ATP9A: variants seen among roughly 807,000 people sequenced by gnomAD.
ATP9A encodes the protein ATPase phospholipid transporting 9A.
ATP9A carries 52 observed loss-of-function variants against 144.1 expected under a neutral mutation model. The ratio of observed to expected loss-of-function variants is 0.36; its 90% CI spans 0.29 to 0.45. ATP9A has a LOEUF of 0.45. Ranked by LOEUF, ATP9A falls within the 20% of genes least tolerant of loss-of-function variation. The pLI, the probability that ATP9A is intolerant of heterozygous loss-of-function variation, is 1.00. For missense variants in ATP9A, 947 were observed against 1,392.7 expected (o/e 0.68, Z 5.09); for synonymous variants, 582 against 557.4 (o/e 1.04, Z -0.62).
intron 15 of ATP9A, among the ~76,000 whole-genome samples, chr20:51,631,529 C>T (rs777592542): frequency 1.3e-5 from 2 of 152,116 alleles, no homozygotes; most frequent in African/African-American, 2.4e-5. Context: ...ATATAAATAC[C>T]GCATCAACGA....
At chr20:51,690,101 G>C (rs2077540566) in intron 8 of ATP9A, among the ~76,000 whole-genome samples, 1 of 104,572 alleles carries the variant, frequency 9.6e-6, no homozygotes. Flanking sequence ...GACAGAAGGA[G>C]ACCGTCTCAA....
chr20:51,741,554 A>C (rs2077785404), intron 1 of ATP9A, among the ~76,000 whole-genome samples: 1 of 152,104 alleles, frequency 6.6e-6, no homozygotes, highest in Admixed American at 6.6e-5. Context: ...TCTAGCCTGG[A>C]CAATAAGAGC....
Position 51,642,726 on chromosome 20 carries a change from C to CAAAAAAAAAAAAAA in ATP9A, c.1507-3236_1507-3223dup, listed in dbSNP as rs778440862. Among the ~76,000 whole-genome samples, 137 of 31,124 alleles carry CAAAAAAAAAAAAAA rather than the reference C, an allele frequency of 4.4e-3. 5 individuals carry two copies. The highest frequency in any genetic ancestry group is 8.1e-3 in the Non-Finnish European group (109 of 13,448). 20.4% of individuals were successfully genotyped at this position (31,124 alleles called of 152,430 possible). Reference sequence around the variant, plus strand: ...GGGTGACTGAGTGAGACTCTGTCTCCAAAAAAAAAAAAAAAAAAAAAAAAA... The same window carrying CAAAAAAAAAAAAAA: ...GGGTGACTGAGTGAGACTCTGTCTCCAAAAAAAAAAAAAAAAAAAAAAAAAAAAAAAAAAAAAAA... On this transcript the variant is annotated intron_variant, in intron 14 of 27. Transcript: ENST00000338821.
intron 22 of ATP9A, 54 bp from the exon 23 acceptor site, chr20:51,613,886 A>C: frequency 6.6e-7 from 1 of 1,506,510 alleles, no homozygotes; most frequent in South Asian, 1.3e-5. Flanking sequence ...CAGGGCAAAC[A>C]CATTTTCTTT....
intron 1 of ATP9A, among the ~76,000 whole-genome samples, chr20:51,752,053 CAA>C (rs5841860): frequency 6.2e-5 from 9 of 144,022 alleles, no homozygotes; most frequent in East Asian, 4.0e-4. Context: ...GGAACAACAA[CAA>C]AAAAAAAAAA....
intron 9 of ATP9A, among the ~76,000 whole-genome samples, chr20:51,683,690 A>C (rs917535679): frequency 1.3e-5 from 2 of 152,136 alleles, no homozygotes; most frequent in Non-Finnish European, 2.9e-5. Context: ...TGCTAGGATT[A>C]CAGGTGTGAG....
intron 1 of ATP9A, chr20:51,734,861 C>T (rs536566235): frequency 2.3e-5 from 5 of 216,552 alleles, no homozygotes; most frequent in Admixed American, 4.1e-5. Context: ...AGCCCAAGAT[C>T]TCAAAGGGTG....
chr20:51,608,569 G>A lies in ATP9A; in HGVS notation c.2694C>T (p.Val898=). 2 of 1,613,864 alleles carry A rather than the reference G, an allele frequency of 1.2e-6. No homozygotes were observed. The highest frequency in any genetic ancestry group is 1.1e-5 in the South Asian group (1 of 91,074). ...GATACAGCATGGCAACTTCCGATTT[G>A]ACATCTTTGTCCAGGACCAGAGAAA... ...PVFSLVLDKD[V]KSEVAMLYPE... Residue 898 remains valine (V), a synonymous_variant, in exon 25 of 28, where the codon GTC becomes GTT. Transcript: ENST00000338821.
chr20:51,632,500 G>A (rs1184930840), intron 15 of ATP9A, among the ~76,000 whole-genome samples: 1 of 152,150 alleles, frequency 6.6e-6, no homozygotes, highest in Non-Finnish European at 1.5e-5. Flanking sequence ...CCTCAGGTGG[G>A]GGCTGTCCTG....
chr20:51,768,010 G>A (rs1319982602), intron 1 of ATP9A, among the ~76,000 whole-genome samples: 1 of 152,204 alleles, frequency 6.6e-6, no homozygotes, highest in Non-Finnish European at 1.5e-5. Context: ...AATTCCGCGA[G>A]TGTGTAAACA....
intron 8 of ATP9A, 117 bp downstream of exon 8, chr20:51,690,622 T>C: frequency 1.2e-6 from 1 of 844,496 alleles, no homozygotes; most frequent in Non-Finnish European, 2.0e-6. Context: ...GCCTTCTTTA[T>C]GTCCCCACCT....
At chr20:51,608,692 C>A in intron 24 of ATP9A, 66 bp from the exon 25 acceptor site, 1 of 1,016,070 alleles carries the variant, frequency 9.8e-7, no homozygotes, top group East Asian at 2.4e-5. Flanking sequence ...CTGTGCCAGC[C>A]TCCGGCACCC....
chr20:51,724,039 C>T (rs985792198), intron 3 of ATP9A, among the ~76,000 whole-genome samples: 3 of 151,766 alleles, frequency 2.0e-5, no homozygotes, highest in Non-Finnish European at 2.9e-5. Flanking sequence ...GGCACAGTGG[C>T]GGGCACCTGT....
intron 24 of ATP9A, among the ~76,000 whole-genome samples, chr20:51,609,321 G>A (rs6067844): frequency 0.48 from 73,560 of 151,894 alleles, 18,354 homozygotes; most frequent in African/African-American, 0.6. Context: ...CAGAATTCTA[G>A]TGCCTCCTCT....
intron 25 of ATP9A, among the ~76,000 whole-genome samples, chr20:51,607,977 G>T (rs2077170165): frequency 6.7e-6 from 1 of 149,974 alleles, no homozygotes; most frequent in South Asian, 2.1e-4. Flanking sequence ...CCAGGAGGTG[G>T]ATGTTGTAGT....
intron 15 of ATP9A, among the ~76,000 whole-genome samples, chr20:51,633,702 T>C (rs1257389010): frequency 3.3e-5 from 5 of 151,182 alleles, no homozygotes; most frequent in African/African-American, 1.2e-4. Flanking sequence ...GCCATGTTCA[T>C]ACCACTGCAC....
At chr20:51,616,050 G>C (rs2077201832) in intron 22 of ATP9A, among the ~76,000 whole-genome samples, 1 of 152,172 alleles carries the variant, frequency 6.6e-6, no homozygotes, top group South Asian at 2.1e-4. Context: ...AACTGGTAGA[G>C]AATGCCATTA....
intron 11 of ATP9A, 33 bp from the exon 12 acceptor site, chr20:51,671,290 G>A (rs1568813579): frequency 6.2e-7 from 1 of 1,604,788 alleles, no homozygotes; most frequent in East Asian, 2.2e-5. Flanking sequence ...CAGGCTAACA[G>A]GACAGATGTA....
intron 1 of ATP9A, among the ~76,000 whole-genome samples, chr20:51,751,877 C>T (rs11698446): frequency 0.077 from 11,732 of 152,186 alleles, 533 homozygotes; most frequent in African/African-American, 0.11. Flanking sequence ...CGTGAGCCAC[C>T]GCGCCCGGCC....
Sources: allele counts gnomAD v4.1 joint callset (sites outside exome capture counted in the v4.1 genomes callset), GRCh38; gene constraint gnomAD v4.1.1; transcripts MANE v1.5; gene names NCBI Gene and HGNC (gene_info 2026-07-23, HGNC 2026-07-21).